ATP13A5: variants seen among roughly 807,000 people sequenced by gnomAD.
ATP13A5 encodes probable cation-transporting ATPase 13A5.
ATP13A5 carries 149 observed loss-of-function variants against 150.2 expected under a neutral mutation model. That is an observed-to-expected ratio of 0.99 (90% CI 0.87 to 1.14). The LOEUF is 1.14. Among genes scored for constraint, ATP13A5 ranks in the 50% most tolerant of loss-of-function variants. The probability of loss-of-function intolerance (pLI) is 0.00; values close to 1 mark genes in which losing one functional copy is unlikely to be tolerated. For missense variants in ATP13A5, 1,383 were observed against 1,449.3 expected (o/e 0.95, Z 0.74); for synonymous variants, 497 against 522.2 (o/e 0.95, Z 0.66).
intron 1 of ATP13A5, among the ~76,000 whole-genome samples, chr3:193,374,655 A>G (rs1400411307): frequency 3.3e-5 from 5 of 151,892 alleles, no homozygotes; most frequent in African/African-American, 1.2e-4. Flanking sequence ...ACACACACAC[A>G]CACACACACA....
At position 193,357,863 on chromosome 3, in the gene ATP13A5, T is replaced by C. The variant is rs186727825; in HGVS notation, c.537-3667A>G. Reference sequence around the variant, plus strand: ...TGAGGTTTCCTCCAACCCTGAGATATCAGTAAATCTGTTAGAATTTATTTA... The same window carrying C: ...TGAGGTTTCCTCCAACCCTGAGATACCAGTAAATCTGTTAGAATTTATTTA... On this transcript the variant is annotated intron_variant, in intron 5 of 29. Transcript: ENST00000342358. 3.4e-3 allele frequency among the ~76,000 whole-genome samples: 514 copies of C among 152,330 alleles called. 4 individuals are homozygous for C. The highest frequency in any genetic ancestry group is 0.011 in the African/African-American group (467 of 41,568).
At chr3:193,308,580 T>C (rs947413285) in intron 21 of ATP13A5, among the ~76,000 whole-genome samples, 1 of 152,164 alleles carries the variant, frequency 6.6e-6, no homozygotes, top group Non-Finnish European at 1.5e-5. Context: ...TGTTGAAAAA[T>C]GGCTCCTTCT....
At position 193,305,644 on chromosome 3, in the gene ATP13A5, T is replaced by G. The variant is rs751087479; in HGVS notation, c.2593A>C (p.Ile865Leu). The stretch of plus-strand genomic sequence containing the variant: ...GATGCTTCCTGCTCTGATAATGAAA[T>G]GCCTGCATGAGCCGCTTTCAAAGCC... The part of the protein sequence containing the change: ...CGALKAAHAG[I>L]SLSEQEASVA... Residue 865 changes from isoleucine to leucine, a missense_variant, in exon 23 of 30, where the codon ATT becomes CTT. Ile to Leu is a conservative substitution (Grantham distance 5). This residue lies in a region of ATP13A5 where 568 missense variants were observed against 621.5 expected (regional missense o/e 0.91). Transcript: ENST00000342358. 2 of 1,613,930 alleles carry G rather than the reference T, an allele frequency of 1.2e-6. No individual in the cohort carries two copies. Among genetic ancestry groups the G allele is most frequent in the Non-Finnish European group, 1.7e-6 (2 of 1,179,870 alleles).
intron 25 of ATP13A5, among the ~76,000 whole-genome samples, chr3:193,297,799 TATC>T (rs1179132062): frequency 6.6e-6 from 1 of 152,078 alleles, no homozygotes; most frequent in Non-Finnish European, 1.5e-5. Context: ...ACATAACTAA[TATC>T]ATGGAATTAA....
chr3:193,305,099 A>G (rs1718559863), intron 23 of ATP13A5, among the ~76,000 whole-genome samples: 1 of 152,190 alleles, frequency 6.6e-6, no homozygotes, highest in African/African-American at 2.4e-5. Context: ...CCCTTCCCTG[A>G]CACTGTCAAT....
chr3:193,336,864 G>C (rs1173087452), intron 9 of ATP13A5, among the ~76,000 whole-genome samples: 1 of 152,174 alleles, frequency 6.6e-6, no homozygotes, highest in African/African-American at 2.4e-5. Flanking sequence ...CAGTGTAAAA[G>C]TGTTCCTATT....
chr3:193,315,127 G>C, intron 17 of ATP13A5, 31 bp from the exon 18 acceptor site: 1 of 1,594,220 alleles, frequency 6.3e-7, no homozygotes, highest in Non-Finnish European at 8.6e-7. Flanking sequence ...CAATATTAAA[G>C]TATATCTACG....
intron 28 of ATP13A5, 128 bp downstream of exon 28, chr3:193,279,238 G>T (rs112887636): frequency 7.2e-6 from 5 of 690,204 alleles, no homozygotes; most frequent in Non-Finnish European, 1.2e-5. Flanking sequence ...TGCCCTTCTA[G>T]TATATAGAAA....
intron 15 of ATP13A5, 63 bp from the exon 16 acceptor site, chr3:193,321,900 C>G (rs1157179476): frequency 3.2e-6 from 5 of 1,563,390 alleles, no homozygotes; most frequent in Non-Finnish European, 4.4e-6. Context: ...AAATGCATAC[C>G]AACAAAAGGG....
intron 12 of ATP13A5, 115 bp downstream of exon 12, chr3:193,331,008 C>T (rs1711606641): frequency 6.4e-6 from 7 of 1,092,204 alleles, no homozygotes; most frequent in Non-Finnish European, 9.3e-6. Context: ...CTTCTCTGGC[C>T]TCAACGTTCC....
chr3:193,292,856 T>G (rs1172392249), intron 25 of ATP13A5, among the ~76,000 whole-genome samples: 1 of 152,140 alleles, frequency 6.6e-6, no homozygotes, highest in Non-Finnish European at 1.5e-5. Context: ...AGGGTTCTTA[T>G]GCAGAATATT....
chr3:193,313,998 T>C (rs1718948104), intron 19 of ATP13A5, 35 bp downstream of exon 19: 2 of 1,607,514 alleles, frequency 1.2e-6, no homozygotes, highest in African/African-American at 1.3e-5. Flanking sequence ...TCCATCAGTC[T>C]AGGCCCACGG....
chr3:193,353,216 A>G (rs1434518418), intron 6 of ATP13A5, among the ~76,000 whole-genome samples: 1 of 151,866 alleles, frequency 6.6e-6, no homozygotes, highest in African/African-American at 2.4e-5. Context: ...CAGGGACCAC[A>G]TAGGGGCCAA....
At chr3:193,354,939 A>AATTTTTTTTTTT (rs1712720311) in intron 5 of ATP13A5, among the ~76,000 whole-genome samples, 1 of 69,042 alleles carries the variant, frequency 1.4e-5, no homozygotes, top group African/African-American at 6.7e-5. Context: ...CAACAATGTA[A>AATTTTTTTTTTT]CTTTTTTTTT....
At chr3:193,290,317 C>T (rs144325008) in intron 25 of ATP13A5, among the ~76,000 whole-genome samples, 2 of 152,110 alleles carry the variant, frequency 1.3e-5, no homozygotes, top group South Asian at 4.2e-4. Flanking sequence ...TTTACCATAT[C>T]GCATGGTGCA....
chr3:193,324,766 T>A, intron 14 of ATP13A5, 98 bp downstream of exon 14: 1 of 1,361,462 alleles, frequency 7.3e-7, no homozygotes, highest in Non-Finnish European at 1.0e-6. Context: ...TACATTATTA[T>A]GAACCTTCTC....
rs1474964211 is a variant in ATP13A5 at position 193,335,089 on chromosome 3, T to A, written c.954A>T (p.Ile318=). ...GGGGCAATGGTGTCTTTGTAACAGGTATACTTTCTCCTAAAGAGGATTGTA... is the reference window on the plus strand; with the variant it reads ...GGGGCAATGGTGTCTTTGTAACAGGAATACTTTCTCCTAAAGAGGATTGTA... The part of the protein sequence containing the change: ...VNEGMLTGES[I]PVTKTPLPQM... Residue 318 remains isoleucine (I), a synonymous_variant, in exon 10 of 30, where the codon ATA becomes ATT. Coordinates refer to ENST00000342358, the MANE Select transcript of ATP13A5 (RefSeq NM_198505.4). 1.2e-6 allele frequency: 2 copies of A among 1,613,570 alleles called. No homozygotes were observed. The highest frequency in any genetic ancestry group is 3.3e-5 in the Admixed American group (2 of 59,994).
intron 1 of ATP13A5, among the ~76,000 whole-genome samples, chr3:193,378,277 T>C (rs1878717): frequency 0.69 from 104,273 of 152,192 alleles, 35,856 homozygotes; most frequent in East Asian, 0.76. Context: ...TATGCATACA[T>C]ACCCAAAGCA....
At chr3:193,325,043 T>G (rs376920137) in intron 13 of ATP13A5, 29 bp from the exon 14 acceptor site, 1,352 of 1,597,622 alleles carry the variant, frequency 8.5e-4, no homozygotes, top group Middle Eastern at 1.8e-3. Context: ...TTAAAGTCTT[T>G]GATAAAATCA....
Sources: gnomAD v4.1 joint callset for allele counts (sites outside exome capture counted in the v4.1 genomes callset) on GRCh38, gnomAD v4.1.1 for gene constraint, gnomAD v4.1.1 regional missense constraint, MANE v1.5 for transcripts, NCBI Gene and HGNC (gene_info 2026-07-23, HGNC 2026-07-21) for gene names.